PREX1: variants seen among roughly 807,000 people sequenced by gnomAD.
The protein encoded by PREX1 is phosphatidylinositol 3,4,5-trisphosphate-dependent Rac exchanger 1 protein.
A neutral mutation model predicts 198.3 loss-of-function variants in PREX1; 41 were observed. The observed-to-expected ratio is 0.21, with a 90% CI of 0.16 to 0.27. The LOEUF (loss-of-function observed/expected upper bound fraction) is 0.27. PREX1 is among the 10% of genes least tolerant of loss of function. PREX1 has a pLI of 1.00. For synonymous variants in PREX1, 843 were observed against 887.2 expected (o/e 0.95, Z 0.89); for missense variants, 1,620 against 2,200.7 (o/e 0.74, Z 5.28).
chr20:48,747,887 G>A lies in PREX1; in HGVS notation c.220-7C>T. The A allele has an allele frequency of 6.2e-7, 1 of 1,609,714 alleles. No individual in the cohort carries two copies. Among genetic ancestry groups the A allele is most frequent in the Non-Finnish European group, 8.5e-7 (1 of 1,177,384 alleles). ...GGATGCGATGCAGGAATGCCTGGAG[G>A]AGAGAAGCAGAGAGAGGTGAGTGTC... On this transcript the variant is annotated splice_region_variant and splice_polypyrimidine_tract_variant and intron_variant, in intron 1 of 39. Transcript: ENST00000371941.
chr20:48,767,249 A>G (rs958189531), intron 1 of PREX1, among the ~76,000 whole-genome samples: 1 of 152,190 alleles, frequency 6.6e-6, no homozygotes, highest in Non-Finnish European at 1.5e-5. Flanking sequence ...AACCAGCCAC[A>G]CCACAGACTA....
At chr20:48,802,039 TG>T (rs2090389588) in intron 1 of PREX1, among the ~76,000 whole-genome samples, 1 of 152,218 alleles carries the variant, frequency 6.6e-6, no homozygotes, top group Admixed American at 6.5e-5. Flanking sequence ...CCTGTGCAAC[TG>T]TGAGCTAAAT....
At chr20:48,694,902 G>C (rs190992504) in intron 7 of PREX1, among the ~76,000 whole-genome samples, 3 of 152,240 alleles carry the variant, frequency 2.0e-5, no homozygotes, top group African/African-American at 7.2e-5. Context: ...AGAACCAGAG[G>C]GGAGACCACT....
intron 3 of PREX1, among the ~76,000 whole-genome samples, chr20:48,735,235 C>T (rs55757420): frequency 0.1 from 15,217 of 152,142 alleles, 782 homozygotes; most frequent in South Asian, 0.12. Flanking sequence ...TCACAGAACC[C>T]GCCAAACCCT....
intron 7 of PREX1, among the ~76,000 whole-genome samples, chr20:48,694,775 G>A (rs2089836965): frequency 6.6e-6 from 1 of 152,212 alleles, no homozygotes; most frequent in Admixed American, 6.5e-5. Context: ...TGTAAGTGGT[G>A]AAGATGTGGG....
At chr20:48,732,185 A>G (rs1376865512) in intron 4 of PREX1, among the ~76,000 whole-genome samples, 1 of 152,254 alleles carries the variant, frequency 6.6e-6, no homozygotes, top group African/African-American at 2.4e-5. Context: ...TATGAAAAGC[A>G]ACAGTCCTGA....
rs369861308 is a variant in PREX1 at position 48,650,910 on chromosome 20, A to G, written c.2801T>C (p.Ile934Thr). The G allele has an allele frequency of 1.9e-6, 3 of 1,614,054 alleles. No individual in the cohort carries two copies. Among genetic ancestry groups the G allele is most frequent in the African/African-American group, 2.7e-5 (2 of 74,926 alleles). Residue 934 changes from isoleucine to threonine, a missense_variant, in exon 23 of 40, where the codon ATT becomes ACT. Coordinates refer to ENST00000371941, the MANE Select transcript of PREX1 (RefSeq NM_020820.4). Reference protein sequence around the residue: ...DTKLESIGQRIACYQEFAAQL... With the variant: ...DTKLESIGQRTACYQEFAAQL... ...CGCAGGCACCTCCTGGTAGCAGGCA[A>G]TCCTCTGGCCAATGCTCTCCAGCTT...
At chr20:48,747,991 C>G in intron 1 of PREX1, 111 bp from the exon 2 acceptor site, 1 of 950,004 alleles carries the variant, frequency 1.1e-6, no homozygotes. Context: ...GGAGGTACCA[C>G]GAGTCCAGGG....
At chr20:48,717,982 G>A (rs61291953) in intron 5 of PREX1, among the ~76,000 whole-genome samples, 1 of 152,168 alleles carries the variant, frequency 6.6e-6, no homozygotes, top group African/African-American at 2.4e-5. Context: ...CTGGACTTGC[G>A]TTTCCACCTT....
chr20:48,778,472 C>T (rs961641656), intron 1 of PREX1, among the ~76,000 whole-genome samples: 3 of 151,438 alleles, frequency 2.0e-5, no homozygotes, highest in Non-Finnish European at 4.4e-5. Flanking sequence ...CGCCTGTAAT[C>T]CTAGCTACTC....
At chr20:48,677,205 G>A (rs1434613419) in intron 13 of PREX1, among the ~76,000 whole-genome samples, 3 of 152,208 alleles carry the variant, frequency 2.0e-5, no homozygotes, top group Non-Finnish European at 2.9e-5. Context: ...TGGCCAAGGA[G>A]CCCCACCTGC....
At chr20:48,728,480 C>T (rs144793779) in intron 4 of PREX1, among the ~76,000 whole-genome samples, 4 of 152,346 alleles carry the variant, frequency 2.6e-5, no homozygotes, top group African/African-American at 9.6e-5. Context: ...TCTGGGGACC[C>T]CAGGTCCCAG....
the PREX1 span, among the ~76,000 whole-genome samples, chr20:48,833,174 G>A: frequency 6.6e-6 from 1 of 152,184 alleles, no homozygotes; most frequent in African/African-American, 2.4e-5. Flanking sequence ...ATAGTATGCT[G>A]CCCGATCCTT....
chr20:48,689,808 G>T (rs774859330), intron 9 of PREX1, among the ~76,000 whole-genome samples: 3 of 152,202 alleles, frequency 2.0e-5, no homozygotes, highest in Non-Finnish European at 2.9e-5. Flanking sequence ...TAAAAATCCA[G>T]ATGTCTAGTT....
At chr20:48,638,717 G>A (rs539401526) in intron 30 of PREX1, among the ~76,000 whole-genome samples, 1 of 152,244 alleles carries the variant, frequency 6.6e-6, no homozygotes, top group South Asian at 2.1e-4. Context: ...GAGTCACCAC[G>A]CCAGGCAGCC....
At chr20:48,651,133 G>A (rs1490553819) in intron 22 of PREX1, 78 bp from the exon 23 acceptor site, 7 of 1,520,990 alleles carry the variant, frequency 4.6e-6, no homozygotes, top group East Asian at 2.3e-5. Context: ...AGTGACTCCT[G>A]TACTACTCGT....
At chr20:48,856,144 G>A in the PREX1 span, among the ~76,000 whole-genome samples, 1 of 152,220 alleles carries the variant, frequency 6.6e-6, no homozygotes, top group East Asian at 1.9e-4. Flanking sequence ...CCCTGAGGCA[G>A]AACCCAGGGA....
chr20:48,678,266 C>T (rs530424323), intron 13 of PREX1, among the ~76,000 whole-genome samples: 6 of 151,710 alleles, frequency 4.0e-5, no homozygotes, highest in Middle Eastern at 3.4e-3. Context: ...GCCAAGATTG[C>T]GCCACTGCAC....
rs2089772212 is a variant in PREX1, at chr20:48,684,355, G to A, written c.1335-3020C>T. Among the ~76,000 whole-genome samples the A allele has an allele frequency of 6.6e-6, 1 of 152,104 alleles. No individual in the cohort carries two copies. Among genetic ancestry groups the A allele is most frequent in the South Asian group, 2.1e-4 (1 of 4,828 alleles). On this transcript the variant is annotated intron_variant, in intron 10 of 39. Coordinates refer to ENST00000371941, the MANE Select transcript of PREX1 (RefSeq NM_020820.4). This position sits in a 1 kb window ranked among gnomAD's most constrained non-coding sequence, Gnocchi z 4.2. Reference sequence around the variant, plus strand: ...GGTAGGGACTGGGGGGTACCCAGTGGAATACCCATCCCTGTGACTCCACGG... The same window carrying A: ...GGTAGGGACTGGGGGGTACCCAGTGAAATACCCATCCCTGTGACTCCACGG...
Sources: allele counts gnomAD v4.1 joint callset (sites outside exome capture counted in the v4.1 genomes callset), GRCh38; gene constraint gnomAD v4.1.1; non-coding constraint Gnocchi (gnomAD v3.1); transcripts MANE v1.5; gene names NCBI Gene and HGNC (gene_info 2026-07-23, HGNC 2026-07-21).